The following MEP1B variants were observed in gnomAD, a reference collection of about 807,000 sequenced individuals.
MEP1B encodes meprin A subunit beta.
A neutral mutation model predicts 84.6 loss-of-function variants in MEP1B; 80 were observed. The observed-to-expected ratio is 0.95, with a 90% CI of 0.79 to 1.14. MEP1B has a LOEUF of 1.14. Ranked by LOEUF, MEP1B falls within the 50% of genes most tolerant of loss-of-function variation. The pLI, the probability that MEP1B is intolerant of heterozygous loss-of-function variation, is 0.00. For synonymous variants in MEP1B, 273 were observed against 288.1 expected, an observed-to-expected ratio of 0.95 and a Z score of 0.53; for missense variants, 766 against 855.1, an observed-to-expected ratio of 0.90 and a Z score of 1.30.
intron 10 of MEP1B, 59 bp from the exon 11 acceptor site, chr18:32,213,057 G>T: frequency 6.8e-7 from 1 of 1,477,184 alleles, no homozygotes; most frequent in South Asian, 1.2e-5. Flanking sequence ...GAAATCTAAT[G>T]TTGACATGTA....
Position 32,196,212 on chromosome 18 carries a change from G to T in MEP1B, c.250+727G>T. The T allele has an allele frequency of 1.5e-6, 1 of 683,496 alleles. No individual in the cohort carries two copies. The allele number at this position is 683,496 out of a possible 1,614,324, so 42.3% of individuals were successfully genotyped here. On this transcript the variant is annotated intron_variant, in intron 5 of 14. Transcript: ENST00000269202. This position sits in a 1 kb window ranked among gnomAD's most constrained non-coding sequence, Gnocchi z 4.4. ...TCAGACTCTCCAAGTCTTTTTGGCT[G>T]AGAGGAATGAAGAGGATGCCATTGA...
At chr18:32,216,716 C>T (rs2144434702) in intron 12 of MEP1B, among the ~76,000 whole-genome samples, 1 of 152,142 alleles carries the variant, frequency 6.6e-6, no homozygotes, top group South Asian at 2.1e-4. Flanking sequence ...TCTCACAAGC[C>T]TAAAATCTGA....
chr18:32,211,498 G>A (rs1272114444), intron 10 of MEP1B, among the ~76,000 whole-genome samples: 3 of 151,774 alleles, frequency 2.0e-5, no homozygotes, highest in African/African-American at 7.3e-5. Flanking sequence ...CTGGTACTTC[G>A]GTTGTTTCAC....
At chr18:32,195,863 A>G (rs2040848153) in intron 5 of MEP1B, among the ~76,000 whole-genome samples, 1 of 152,288 alleles carries the variant, frequency 6.6e-6, no homozygotes, top group African/African-American at 2.4e-5. Context: ...AGGCCAGGCC[A>G]GGGTCCCAGG....
At chr18:32,194,100 A>C (rs557467019) in intron 4 of MEP1B, among the ~76,000 whole-genome samples, 1 of 152,234 alleles carries the variant, frequency 6.6e-6, no homozygotes, top group East Asian at 1.9e-4. Flanking sequence ...AACTGAACAC[A>C]TAAAAACCTT....
intron 4 of MEP1B, among the ~76,000 whole-genome samples, chr18:32,193,275 C>A (rs2040820631): frequency 6.6e-6 from 1 of 152,136 alleles, no homozygotes; most frequent in Non-Finnish European, 1.5e-5. Context: ...CCCTCCCAAA[C>A]CTATTCATAA....
rs748527112 is a variant in MEP1B at position 32,217,026 on chromosome 18, A to C, written c.1795A>C (p.Thr599Pro). The C allele has an allele frequency of 6.2e-7, 1 of 1,613,866 alleles. No homozygotes were observed. Among genetic ancestry groups the C allele is most frequent in the South Asian group, 1.1e-5 (1 of 91,084 alleles). Residue 599 changes from threonine to proline, a missense_variant, in exon 13 of 15, where the codon ACA becomes CCA. Thr to Pro is a conservative substitution (Grantham distance 38). Coordinates refer to ENST00000269202, the MANE Select transcript of MEP1B (RefSeq NM_005925.3). Reference sequence around the variant, plus strand: ...CCTCAACTCTACACAAATCCAGCTAACACCAGCCCCTAGTGTTCAAGACCT... The same window carrying C: ...CCTCAACTCTACACAAATCCAGCTACCACCAGCCCCTAGTGTTCAAGACCT... ...SHLNSTQIQL[T>P]PAPSVQDLCS...
Position 32,192,647 on chromosome 18 carries a change from T to C in MEP1B, c.84T>C (p.Asp28=). Residue 28 remains aspartate (D), a splice_region_variant and synonymous_variant, in exon 3 of 15, where the codon GAT becomes GAC. Transcript: ENST00000269202. ...TTGTTGTTGTTGTTTTAATCAAAGA[T>C]GTAGATGGCGGAATGGACCAGGACA... is the stretch of plus-strand genomic sequence containing the variant. The part of the protein sequence containing the change: ...ISGLATPENF[D]VDGGMDQDIF... 1 of 1,613,108 alleles carries C rather than the reference T, an allele frequency of 6.2e-7. No homozygotes were observed. The highest frequency in any genetic ancestry group is 8.5e-7 in the Non-Finnish European group (1 of 1,179,266).
chr18:32,212,417 T>C (rs1169084546), intron 10 of MEP1B, among the ~76,000 whole-genome samples: 1 of 152,180 alleles, frequency 6.6e-6, no homozygotes, highest in Non-Finnish European at 1.5e-5. Context: ...TGCAGATTAT[T>C]TAGTATACTG....
Position 32,208,161 on chromosome 18 carries a change from A to C in MEP1B, c.809A>C (p.Glu270Ala), listed in dbSNP as rs764492704. Residue 270 changes from glutamate (E) to alanine (A), a missense_variant, in exon 9 of 15, where the codon GAA becomes GCA. By Grantham distance (107) the Glu-to-Ala change is moderately radical. Transcript: ENST00000269202. ...SFMDSCSFEL[E>A]NVCGMIQSSG... is the part of the protein sequence containing the mutation. ...ATGGACTCGTGCAGTTTTGAACTGG[A>C]AAATGTGTGTGGCATGATCCAAAGT... 1.2e-6 allele frequency: 2 copies of C among 1,613,808 alleles called. No homozygotes were observed. Among genetic ancestry groups the C allele is most frequent in the East Asian group, 2.2e-5 (1 of 44,882 alleles).
In MEP1B at chr18:32,215,021, C is replaced by A. The variant is rs1017176027; in HGVS notation, c.1580-61C>A. On this transcript the variant is annotated intron_variant, in intron 11 of 14. Coordinates refer to ENST00000269202, the MANE Select transcript of MEP1B (RefSeq NM_005925.3). The stretch of plus-strand genomic sequence containing the variant: ...TTGTGTTTCACATTGCCTGTTCTTT[C>A]CTACCACCAAAAGCTACGATGATGA... The A allele has an allele frequency of 2.4e-6, 3 of 1,249,482 alleles. No individual in the cohort carries two copies. The African/African-American group carries it at 4.6e-5, about 19-fold the overall frequency. The allele number at this position is 1,249,482 out of a possible 1,614,324, so 77.4% of individuals were successfully genotyped here.
chr18:32,215,323 TTC>T lies in MEP1B; in HGVS notation c.1759+64_1759+65del. 4 of 1,098,826 alleles carry T rather than the reference TTC, an allele frequency of 3.6e-6. No individual in the cohort carries two copies. The South Asian group carries it at 5.6e-5, about 15-fold the overall frequency. 68.1% of individuals were successfully genotyped at this position (1,098,826 alleles called of 1,614,324 possible). A position where few individuals can be genotyped will look rare whatever the true frequency, so the allele number is the denominator to read the frequency against. On this transcript the variant is annotated intron_variant, in intron 12 of 14. Coordinates refer to ENST00000269202, the MANE Select transcript of MEP1B (RefSeq NM_005925.3). Reference sequence around the variant, plus strand: ...TTTTTTGTTGTGGCCACTGATTATTTTCTGTTTTTCTTTCTGCATTCCACTTT... The same window carrying T: ...TTTTTTGTTGTGGCCACTGATTATTTTGTTTTTCTTTCTGCATTCCACTTT...
intron 6 of MEP1B, among the ~76,000 whole-genome samples, chr18:32,203,703 A>G (rs2040935271): frequency 1.3e-5 from 2 of 152,176 alleles, no homozygotes; most frequent in African/African-American, 4.8e-5. Flanking sequence ...ACTGGCTTTC[A>G]GTTCTGCAGG....
intron 4 of MEP1B, 42 bp downstream of exon 4, chr18:32,192,859 T>G (rs2040816468): frequency 1.3e-6 from 2 of 1,495,344 alleles, no homozygotes; most frequent in Non-Finnish European, 1.9e-6. Context: ...CATTAACCAC[T>G]GCAAGCCAAA....
In MEP1B at chr18:32,196,363, G is replaced by A; in HGVS notation, c.250+878G>A. The A allele has an allele frequency of 1.4e-6, 1 of 701,408 alleles. No homozygotes were observed. The allele number at this position is 701,408 out of a possible 1,614,324, so 43.4% of individuals were successfully genotyped here. A position where few individuals can be genotyped will look rare whatever the true frequency, so the allele number is the denominator to read the frequency against. ...GCGCCGCAGGGCCACGGCCAGCTGGGTCAGGCACTTGAGGTACTCAGAGCT... is the reference window on the plus strand; with the variant it reads ...GCGCCGCAGGGCCACGGCCAGCTGGATCAGGCACTTGAGGTACTCAGAGCT... On this transcript the variant is annotated intron_variant, in intron 5 of 14. Coordinates refer to ENST00000269202, the MANE Select transcript of MEP1B (RefSeq NM_005925.3). This position sits in a 1 kb window ranked among gnomAD's most constrained non-coding sequence, Gnocchi z 4.4.
chr18:32,210,908 ACACT>A (rs756352180), intron 10 of MEP1B, among the ~76,000 whole-genome samples, 192 bp downstream of exon 10: 7 of 152,166 alleles, frequency 4.6e-5, no homozygotes, highest in Non-Finnish European at 7.4e-5. Flanking sequence ...CTGTTATGTA[ACACT>A]CACTTAAGAA....
At chr18:32,205,421 G>A (rs1419285012) in intron 7 of MEP1B, among the ~76,000 whole-genome samples, 1 of 152,196 alleles carries the variant, frequency 6.6e-6, no homozygotes, top group African/African-American at 2.4e-5. Flanking sequence ...GGCACTGTGA[G>A]GAGTGCCCTA....
chr18:32,215,318 T>A (rs1020409937), intron 12 of MEP1B, 57 bp downstream of exon 12: 1 of 1,136,684 alleles, frequency 8.8e-7, no homozygotes. Flanking sequence ...TGGCCACTGA[T>A]TATTTTCTGT....
Position 32,196,502 on chromosome 18 carries a change from C to T in MEP1B, c.250+1017C>T, listed in dbSNP as rs1460207156. 1.7e-5 allele frequency: 12 copies of T among 695,580 alleles called. No individual in the cohort carries two copies. The highest frequency in any genetic ancestry group is 3.5e-5 in the African/African-American group (2 of 57,078). The allele number at this position is 695,580 out of a possible 1,614,324, so 43.1% of individuals were successfully genotyped here. On this transcript the variant is annotated intron_variant, in intron 5 of 14. Coordinates refer to ENST00000269202, the MANE Select transcript of MEP1B (RefSeq NM_005925.3). The surrounding 1 kb of genome is among the most constrained non-coding windows in gnomAD (Gnocchi z 4.4). ...GAAACTCAGCTTTGCTCTCATAGAC[C>T]GAGGTGATGAGGTGGTGGCCAAGGG...
Sources: gnomAD v4.1 joint callset for allele counts (sites outside exome capture counted in the v4.1 genomes callset) on GRCh38, gnomAD v4.1.1 for gene constraint, Gnocchi (gnomAD v3.1) non-coding constraint, MANE v1.5 for transcripts, NCBI Gene and HGNC (gene_info 2026-07-23, HGNC 2026-07-21) for gene names.